DMD: variants seen among roughly 807,000 people sequenced by gnomAD.
DMD encodes mutant dystrophin.
DMD carries 63 observed loss-of-function variants against 330.1 expected under a neutral mutation model. The observed-to-expected ratio is 0.19, with a 90% CI of 0.16 to 0.24. DMD has a LOEUF of 0.24. Among genes scored for constraint, DMD ranks in the 10% least tolerant of loss-of-function variants. DMD has a pLI of 1.00. For missense variants in DMD, 3,344 were observed against 2,684.1 expected (o/e 1.25, Z -5.43); for synonymous variants, 1,223 against 959.8 (o/e 1.27, Z -5.07).
At chrX:31,712,262 G>A (rs865881788) in intron 52 of DMD, among the ~76,000 whole-genome samples, 2 of 111,545 alleles carry the variant, frequency 1.8e-5, no homozygotes, top group Non-Finnish European at 3.8e-5. Context: ...GAGCACTGCT[G>A]TGGTTTCTTG....
chrX:31,780,294 T>G (rs1448720354), intron 50 of DMD, among the ~76,000 whole-genome samples: 2 of 112,378 alleles, frequency 1.8e-5, no homozygotes, highest in Non-Finnish European at 3.8e-5. Flanking sequence ...TAACTTTTTT[T>G]GTTTGCTTCA....
chrX:31,593,342 C>T (rs1385815214), intron 55 of DMD, among the ~76,000 whole-genome samples: 1 of 111,015 alleles, frequency 9.0e-6, no homozygotes, highest in Non-Finnish European at 1.9e-5. Context: ...AACAAAAGTT[C>T]CCAGAGCTTC....
intron 9 of DMD, among the ~76,000 whole-genome samples, chrX:32,685,763 T>C (rs755366645): frequency 1.9e-4 from 21 of 110,770 alleles, no homozygotes; most frequent in Middle Eastern, 4.9e-3. Context: ...AAATGAGGAG[T>C]TTCATAACGA....
In DMD at chrX:32,441,287, A is replaced by G. The variant is rs746405191; in HGVS notation, c.3814T>C (p.Leu1272=). 78 of 1,207,085 alleles carry G rather than the reference A, an allele frequency of 6.5e-5. No homozygotes were observed. The highest frequency in any genetic ancestry group is 8.4e-5 in the Non-Finnish European group (75 of 892,722). Residue 1272 remains leucine, a synonymous_variant, in exon 28 of 79, where the codon TTG becomes CTG. Transcript: ENST00000357033. ...TTGTTTGCTTTCTCCAAGTATGACA[A>G]TAACTCATGCCAACATGCCCAAACT... The part of the protein sequence containing the change: ...EEVWACWHEL[L]SYLEKANKWL...
chrX:32,580,011 CT>C (rs57730410), intron 13 of DMD, among the ~76,000 whole-genome samples: 38,908 of 90,712 alleles, frequency 0.43, 7,485 homozygotes, highest in African/African-American at 0.66. Flanking sequence ...TATTTAATGT[CT>C]TTTTTTTTTT....
At chrX:31,561,490 T>C (rs1204381092) in intron 55 of DMD, among the ~76,000 whole-genome samples, 1 of 111,995 alleles carries the variant, frequency 8.9e-6, no homozygotes, top group African/African-American at 3.2e-5. Context: ...ATACACATCA[T>C]ATTACTCTGT....
At chrX:32,832,331 T>TA (rs1310338992) in intron 4 of DMD, among the ~76,000 whole-genome samples, 6 of 111,522 alleles carry the variant, frequency 5.4e-5, no homozygotes, top group Non-Finnish European at 9.5e-5. Flanking sequence ...AAACAATAAC[T>TA]AAAAGGGAAA....
At chrX:32,231,194 CA>C (rs774164436) in intron 43 of DMD, among the ~76,000 whole-genome samples, 1 of 111,968 alleles carries the variant, frequency 8.9e-6, no homozygotes, top group African/African-American at 3.2e-5. Context: ...AACACAGCTA[CA>C]AAAAAATTTA....
chrX:31,979,248 G>C (rs1264839798), intron 44 of DMD, among the ~76,000 whole-genome samples: 4 of 111,156 alleles, frequency 3.6e-5, no homozygotes, highest in Non-Finnish European at 5.7e-5. Flanking sequence ...TGGAGACAGG[G>C]TCTCACTTTT....
intron 9 of DMD, among the ~76,000 whole-genome samples, chrX:32,665,111 A>C (rs1569424721): frequency 8.9e-6 from 1 of 112,318 alleles, no homozygotes; most frequent in Non-Finnish European, 1.9e-5. Context: ...TACTGTAAAA[A>C]CTTAATAAAT....
rs762830122 is a variant in DMD, at chrX:32,211,752, G to A, written c.6438+5164C>T. On this transcript the variant is annotated intron_variant, in intron 44 of 78. Coordinates refer to ENST00000357033, the MANE Select transcript of DMD (RefSeq NM_004006.3). ...CTCAGGCTTGTATGTCTGCGACAAC[G>A]TTCTGCAGGAAATACTGGTCATTTT... Among the ~76,000 whole-genome samples the A allele has an allele frequency of 4.5e-5, 5 of 111,708 alleles. No homozygotes were observed. In the East Asian group the frequency reaches 8.5e-4, roughly 19 times the overall value.
At chrX:32,698,124 A>T in intron 8 of DMD, 126 bp from the exon 9 acceptor site, 1 of 717,761 alleles carries the variant, frequency 1.4e-6, no homozygotes, top group South Asian at 2.8e-5. Flanking sequence ...TTCAATGTTT[A>T]ATACTAAACA....
intron 7 of DMD, among the ~76,000 whole-genome samples, chrX:32,801,697 G>A (rs1327855767): frequency 8.9e-6 from 1 of 111,842 alleles, no homozygotes; most frequent in Admixed American, 9.5e-5. Context: ...AAGGGGTAAG[G>A]AAGGGGTCCA....
chrX:32,252,671 TATATAA>T (rs1465245091), intron 43 of DMD, among the ~76,000 whole-genome samples: 48 of 41,935 alleles, frequency 1.1e-3, no homozygotes, highest in East Asian at 3.2e-3. Context: ...TAAATATATA[TATATAA>T]ATATATAAAT....
chrX:32,816,155 G>A (rs774736383), intron 6 of DMD, among the ~76,000 whole-genome samples: 3 of 110,998 alleles, frequency 2.7e-5, no homozygotes, highest in East Asian at 2.8e-4. Flanking sequence ...CACCATTCTC[G>A]GCAAAGTTAG....
intron 18 of DMD, among the ~76,000 whole-genome samples, chrX:32,505,424 C>G (rs7053167): frequency 1.8e-5 from 2 of 111,893 alleles, no homozygotes; most frequent in African/African-American, 6.5e-5. Context: ...TGTTTCACAT[C>G]ATATGTTACC....
At chrX:32,230,760 T>C (rs968685383) in intron 43 of DMD, among the ~76,000 whole-genome samples, 1 of 111,679 alleles carries the variant, frequency 9.0e-6, no homozygotes, top group African/African-American at 3.2e-5. Flanking sequence ...ATTTGTGAAA[T>C]AGGCATAATA....
At chrX:32,286,344 A>G (rs2148449351) in intron 43 of DMD, among the ~76,000 whole-genome samples, 1 of 112,075 alleles carries the variant, frequency 8.9e-6, no homozygotes, top group African/African-American at 3.2e-5. Flanking sequence ...AAGTTTCCAG[A>G]TGTTAGGAGC....
At chrX:32,077,127 G>A (rs754748243) in intron 44 of DMD, among the ~76,000 whole-genome samples, 16 of 111,128 alleles carry the variant, frequency 1.4e-4, no homozygotes, top group Non-Finnish European at 2.8e-4. Context: ...TAGAAATCAC[G>A]ATAATGCTTA....
Sources: gnomAD v4.1 joint callset for allele counts (sites outside exome capture counted in the v4.1 genomes callset) on GRCh38, gnomAD v4.1.1 for gene constraint, MANE v1.5 for transcripts, NCBI Gene and HGNC (gene_info 2026-07-23, HGNC 2026-07-21) for gene names.